Variants in POLA1 observed in about 807,000 individuals in gnomAD.
POLA1 encodes the protein DNA polymerase alpha catalytic subunit.
A neutral mutation model predicts 124.0 loss-of-function variants in POLA1; 15 were observed. The ratio of observed to expected loss-of-function variants is 0.12; its 90% CI spans 0.08 to 0.19. The LOEUF (loss-of-function observed/expected upper bound fraction) is 0.19. Among genes scored for constraint, POLA1 ranks in the 10% least tolerant of loss-of-function variants. POLA1 has a pLI of 1.00. For missense variants in POLA1, 886 were observed against 1,103.4 expected (o/e 0.80, Z 2.79); for synonymous variants, 408 against 389.4 (o/e 1.05, Z -0.56).
At chrX:24,699,345 TAG>T in intron 1 of POLA1, 78 bp from the exon 2 acceptor site, 1 of 782,454 alleles carries the variant, frequency 1.3e-6, no homozygotes, top group Non-Finnish European at 1.8e-6. Context: ...TATTGTTGGC[TAG>T]AAACTTTTCC....
chrX:24,949,253 T>C (rs1489140485), intron 36 of POLA1, among the ~76,000 whole-genome samples: 1 of 111,964 alleles, frequency 8.9e-6, no homozygotes, highest in East Asian at 2.8e-4. Context: ...CTCAAATTTC[T>C]AAATGGTTGC....
intron 35 of POLA1, among the ~76,000 whole-genome samples, chrX:24,909,735 A>G (rs1246494088): frequency 3.6e-5 from 4 of 111,025 alleles, no homozygotes; most frequent in Admixed American, 9.6e-5. Context: ...TTTTGGTTCC[A>G]TATGAACTTT....
At chrX:24,732,007 C>T (rs1045883342) in intron 15 of POLA1, among the ~76,000 whole-genome samples, 1 of 111,681 alleles carries the variant, frequency 9.0e-6, no homozygotes, top group African/African-American at 3.3e-5. Flanking sequence ...CATGCTGGAG[C>T]GCAGTGGTGC....
At chrX:24,900,232 G>A (rs2047259887) in intron 35 of POLA1, among the ~76,000 whole-genome samples, 1 of 112,035 alleles carries the variant, frequency 8.9e-6, no homozygotes, top group African/African-American at 3.3e-5. Context: ...AACACTGACT[G>A]AAGGGGGTCT....
intron 36 of POLA1, among the ~76,000 whole-genome samples, chrX:24,962,451 G>C (rs188351537): frequency 4.5e-5 from 5 of 111,983 alleles, no homozygotes; most frequent in Non-Finnish European, 7.5e-5. Context: ...TTATAAATAG[G>C]TGTGGAATGA....
chrX:24,726,656 C>T (rs1419767211), intron 13 of POLA1, among the ~76,000 whole-genome samples: 1 of 112,245 alleles, frequency 8.9e-6, no homozygotes, highest in East Asian at 2.8e-4. Context: ...AAAGCATGTA[C>T]AGCTCTGGAC....
At chrX:24,763,763 T>G (rs944885746) in intron 26 of POLA1, among the ~76,000 whole-genome samples, 1 of 111,940 alleles carries the variant, frequency 8.9e-6, no homozygotes, top group African/African-American at 3.3e-5. Flanking sequence ...TTGAAAAATT[T>G]CCATTGAATT....
At chrX:24,843,501 A>G (rs776186143) in intron 33 of POLA1, 45 bp from the exon 34 acceptor site, 2 of 1,054,915 alleles carry the variant, frequency 1.9e-6, no homozygotes, top group Non-Finnish European at 2.5e-6. Context: ...AAACCCTTTT[A>G]TAGCCTCACA....
intron 28 of POLA1, 83 bp from the exon 29 acceptor site, chrX:24,812,575 T>G (rs747119806): frequency 1.6e-4 from 93 of 576,065 alleles, no homozygotes; most frequent in Non-Finnish European, 2.3e-4. Flanking sequence ...CTGTTTAGAT[T>G]AACTCTTGGG....
chrX:24,700,514 T>A (rs1388548302), intron 2 of POLA1, among the ~76,000 whole-genome samples: 1 of 111,793 alleles, frequency 8.9e-6, no homozygotes, highest in Admixed American at 9.5e-5. Flanking sequence ...AATAAAGCAT[T>A]TTTTTTGTTT....
At chrX:24,735,127 G>A (rs1931191426) in intron 17 of POLA1, among the ~76,000 whole-genome samples, 1 of 111,948 alleles carries the variant, frequency 8.9e-6, no homozygotes, top group South Asian at 3.7e-4. Context: ...GCACAAGCAT[G>A]TCCCTGTGGA....
At chrX:24,845,461 C>T (rs1012425072) in intron 34 of POLA1, among the ~76,000 whole-genome samples, 4 of 111,884 alleles carry the variant, frequency 3.6e-5, no homozygotes. Context: ...ATCCGTTATT[C>T]GTTCTTATGG....
chrX:24,707,597 C>G (rs946540841), intron 4 of POLA1, among the ~76,000 whole-genome samples: 1 of 112,363 alleles, frequency 8.9e-6, no homozygotes, highest in Non-Finnish European at 1.9e-5. Flanking sequence ...GGAAAATGGA[C>G]TTCTGCAATG....
chrX:24,716,439 T>C lies in POLA1; in HGVS notation c.603T>C (p.Ser201=), dbSNP rs769587581. 2.7e-6 allele frequency: 3 copies of C among 1,121,515 alleles called. No individual in the cohort carries two copies. The highest frequency in any genetic ancestry group is 1.8e-5 in the African/African-American group (1 of 56,270). 92.4% of individuals were successfully genotyped at this position (1,121,515 alleles called of 1,213,427 possible). A position where few individuals can be genotyped will look rare whatever the true frequency, so the allele number is the denominator to read the frequency against. The change falls in exon 7 of 37, where the codon TCT becomes TCC. Residue 201 remains serine (S), a synonymous_variant. Coordinates refer to ENST00000379068, the MANE Select transcript of POLA1 (RefSeq NM_001330360.2). The stretch of plus-strand genomic sequence containing the variant: ...TTGGAGCTTCACCGAATCCTTTCTC[T>C]GTGCACACCGCCACGGTAAAGTGTG... ...RSIGASPNPF[S]VHTATAVPSG...
At chrX:24,979,028 A>C (rs891239949) in intron 36 of POLA1, among the ~76,000 whole-genome samples, 1 of 112,563 alleles carries the variant, frequency 8.9e-6, no homozygotes, top group Middle Eastern at 4.6e-3. Flanking sequence ...CGCTTACTGT[A>C]AAATAGTATT....
At chrX:24,895,225 AC>A (rs1236934925) in intron 35 of POLA1, among the ~76,000 whole-genome samples, 5 of 112,493 alleles carry the variant, frequency 4.4e-5, no homozygotes, top group Non-Finnish European at 7.5e-5. Context: ...CTTCAAAAGA[AC>A]AGACATTTAA....
At chrX:24,699,982 C>T (rs1334679750) in intron 2 of POLA1, among the ~76,000 whole-genome samples, 2 of 100,296 alleles carry the variant, frequency 2.0e-5, no homozygotes, top group African/African-American at 7.3e-5. Flanking sequence ...AGACTTGGAC[C>T]TTAACTTCTG....
chrX:24,713,131 A>AT (rs1327896600), intron 4 of POLA1, among the ~76,000 whole-genome samples: 3 of 109,233 alleles, frequency 2.7e-5, no homozygotes, highest in Non-Finnish European at 1.9e-5. Flanking sequence ...TGCCTGGCTA[A>AT]TTTTTGTATT....
chrX:24,919,034 A>G (rs185184917), intron 35 of POLA1, among the ~76,000 whole-genome samples: 1 of 111,992 alleles, frequency 8.9e-6, no homozygotes, highest in Non-Finnish European at 1.9e-5. Context: ...TGGAGGAGAC[A>G]AACATCCAAA....
Sources: gnomAD v4.1 joint callset for allele counts (sites outside exome capture counted in the v4.1 genomes callset) on GRCh38, gnomAD v4.1.1 for gene constraint, MANE v1.5 for transcripts, NCBI Gene and HGNC (gene_info 2026-07-23, HGNC 2026-07-21) for gene names.